GNG7: variants seen among roughly 807,000 people sequenced by gnomAD.
GNG7 encodes the protein G protein subunit gamma 7.
In GNG7, 1 loss-of-function variant was observed where a neutral mutation model predicts 4.0. The ratio of observed to expected loss-of-function variants is 0.25; its 90% CI spans 0.09 to 1.18. The LOEUF is 1.18. GNG7 is among the 50% of genes most tolerant of loss of function. GNG7 has a pLI of 0.50. For synonymous variants in GNG7, 34 were observed against 36.9 expected (o/e 0.92, Z 0.29); for missense variants, 86 against 91.9 (o/e 0.94, Z 0.26).
Position 2,512,893 on chromosome 19 carries a change from C to T in GNG7, c.*2129G>A, listed in dbSNP as rs1320680129. 4 of 984,642 alleles carry T rather than the reference C, an allele frequency of 4.1e-6. No homozygotes were observed. The highest frequency in any genetic ancestry group is 4.8e-6 in the Non-Finnish European group (4 of 829,210). 61.0% of individuals were successfully genotyped at this position (984,642 alleles called of 1,614,324 possible). A position where few individuals can be genotyped will look rare whatever the true frequency, so the allele number is the denominator to read the frequency against. On this transcript the variant is annotated 3_prime_UTR_variant, in exon 5 of 5. Transcript: ENST00000382159. This position sits in a 1 kb window ranked among gnomAD's most constrained non-coding sequence, Gnocchi z 4.7. ...GTCCCTTCCTGCCATTCCTGCTATG[C>T]GTGGTGGGGACGCCCACACCCCAAA...
At chr19:2,584,256 A>T (rs1239917057) in intron 2 of GNG7, among the ~76,000 whole-genome samples, 1 of 149,338 alleles carries the variant, frequency 6.7e-6, no homozygotes, top group African/African-American at 2.5e-5. Context: ...CAGCCAGGGC[A>T]ACATAGGGAG....
rs1308482614 is a variant in GNG7, at chr19:2,626,724, C to A, written c.-78+19500G>T. On this transcript the variant is annotated intron_variant, in intron 2 of 4. Transcript: ENST00000382159. This position sits in a 1 kb window ranked among gnomAD's most constrained non-coding sequence, Gnocchi z 5.0. ...GGGGTAATTCTGTCCCCTCAGGGGA[C>A]ACTGGGCGGTGTCGGGGGACATCTG... Among the ~76,000 whole-genome samples the A allele has an allele frequency of 6.6e-6, 1 of 152,170 alleles. No individual in the cohort carries two copies. Among genetic ancestry groups the A allele is most frequent in the Non-Finnish European group, 1.5e-5 (1 of 68,030 alleles).
chr19:2,573,663 C>T (rs1184062596), intron 2 of GNG7, among the ~76,000 whole-genome samples: 3 of 151,636 alleles, frequency 2.0e-5, no homozygotes, highest in Non-Finnish European at 2.9e-5. Flanking sequence ...TTGTTCACGG[C>T]GAAACCCCGT....
At chr19:2,519,356 A>T (rs1016992548) in intron 4 of GNG7, among the ~76,000 whole-genome samples, 3 of 151,018 alleles carry the variant, frequency 2.0e-5, no homozygotes, top group Admixed American at 1.3e-4. Flanking sequence ...GGGTTTCACC[A>T]TGTTGGCCAG....
intron 1 of GNG7, among the ~76,000 whole-genome samples, chr19:2,654,085 C>T (rs942791563): frequency 6.6e-6 from 1 of 151,304 alleles, no homozygotes; most frequent in Non-Finnish European, 1.5e-5. Context: ...TGCATATGCA[C>T]GAGGGGGTGA....
At chr19:2,656,473 A>G (rs1982978059) in intron 1 of GNG7, among the ~76,000 whole-genome samples, 1 of 152,118 alleles carries the variant, frequency 6.6e-6, no homozygotes, top group Admixed American at 6.5e-5. Context: ...ATGGTGGTGC[A>G]CGCCTGTAGT....
intron 1 of GNG7, among the ~76,000 whole-genome samples, chr19:2,693,556 C>A (rs1913181192): frequency 6.6e-6 from 1 of 152,062 alleles, no homozygotes; most frequent in Admixed American, 6.5e-5. Context: ...AAAAGGTAGC[C>A]ATTTCTGCAA....
chr19:2,589,583 T>C (rs146460394), intron 2 of GNG7, among the ~76,000 whole-genome samples: 37 of 152,018 alleles, frequency 2.4e-4, no homozygotes, highest in African/African-American at 8.4e-4. Context: ...TCCTGTGTCA[T>C]TCCCACCTCC....
chr19:2,511,806 GGTCGC>G lies in GNG7; in HGVS notation c.*3211_*3215del. ...CCCGTTTATGTCCCCAGAGGCCAGA[GGTCGC>G]AGCTGAGCTATCTGTGCTTGGCCTG... On this transcript the variant is annotated 3_prime_UTR_variant, in exon 5 of 5. Coordinates refer to ENST00000382159, the MANE Select transcript of GNG7 (RefSeq NM_052847.3). The surrounding 1 kb of genome is among the most constrained non-coding windows in gnomAD (Gnocchi z 6.3). 1.0e-6 allele frequency: 1 copy of G among 986,332 alleles called. No homozygotes were observed. Among genetic ancestry groups the G allele is most frequent in the Non-Finnish European group, 1.2e-6 (1 of 830,296 alleles). The allele number at this position is 986,332 out of a possible 1,614,324, so 61.1% of individuals were successfully genotyped here.
intron 1 of GNG7, among the ~76,000 whole-genome samples, chr19:2,667,391 C>T (rs1365181624): frequency 6.6e-6 from 1 of 152,140 alleles, no homozygotes; most frequent in Non-Finnish European, 1.5e-5. Context: ...ATGCAGAAAA[C>T]GGCTGTTTCT....
At chr19:2,616,401 TG>T (rs1049038340) in intron 2 of GNG7, among the ~76,000 whole-genome samples, 1 of 151,790 alleles carries the variant, frequency 6.6e-6, no homozygotes, top group African/African-American at 2.4e-5. Context: ...TGTGCCACCG[TG>T]CCCAGCTAAT....
intron 2 of GNG7, among the ~76,000 whole-genome samples, chr19:2,562,189 C>A (rs759065579): frequency 4.8e-4 from 73 of 152,212 alleles, no homozygotes; most frequent in Non-Finnish European, 9.8e-4. Flanking sequence ...GAGCCAGAGC[C>A]GTGAGTCACC....
In GNG7 at chr19:2,626,044, T is replaced by A. The variant is rs1310234832; in HGVS notation, c.-78+20180A>T. On this transcript the variant is annotated intron_variant, in intron 2 of 4. Coordinates refer to ENST00000382159, the MANE Select transcript of GNG7 (RefSeq NM_052847.3). The surrounding 1 kb of genome is among the most constrained non-coding windows in gnomAD (Gnocchi z 5.0). ...CTCAGGTGATCCACCCGCCTCGGCCTCCCAAAGTGCTGGGATGACAGGCGT... is the reference window on the plus strand; with the variant it reads ...CTCAGGTGATCCACCCGCCTCGGCCACCCAAAGTGCTGGGATGACAGGCGT... 6.6e-6 allele frequency among the ~76,000 whole-genome samples: 1 copy of A among 152,140 alleles called. No individual in the cohort carries two copies. Among genetic ancestry groups the A allele is most frequent in the Non-Finnish European group, 1.5e-5 (1 of 68,024 alleles).
Position 2,607,766 on chromosome 19 carries a change from G to A in GNG7, c.-78+38458C>T, listed in dbSNP as rs550039299. Among the ~76,000 whole-genome samples, 8 of 152,124 alleles carry A rather than the reference G, an allele frequency of 5.3e-5. No homozygotes were observed. In the South Asian group the frequency reaches 1.7e-3, roughly 32 times the overall value. ...CCCCGCCCCTCCCAGTGGCGTCTCCGCTTCTCACTTCAGAGGCAGAGCTGT... is the reference window on the plus strand; with the variant it reads ...CCCCGCCCCTCCCAGTGGCGTCTCCACTTCTCACTTCAGAGGCAGAGCTGT... On this transcript the variant is annotated intron_variant, in intron 2 of 4. Transcript: ENST00000382159.
chr19:2,597,562 A>T (rs1981060254), intron 2 of GNG7, among the ~76,000 whole-genome samples: 1 of 151,028 alleles, frequency 6.6e-6, no homozygotes, highest in African/African-American at 2.4e-5. Flanking sequence ...ACGCCACTGC[A>T]CTCCAGCCTG....
rs571360628 is a variant in GNG7, at chr19:2,662,445, A to C, written c.-134-16165T>G. Among the ~76,000 whole-genome samples, 45 of 152,138 alleles carry C rather than the reference A, an allele frequency of 3.0e-4. No homozygotes were observed. In the East Asian group the frequency reaches 4.1e-3, roughly 14 times the overall value. On this transcript the variant is annotated intron_variant, in intron 1 of 4. Coordinates refer to ENST00000382159, the MANE Select transcript of GNG7 (RefSeq NM_052847.3). The stretch of plus-strand genomic sequence containing the variant: ...TAAATCCCCCCACAAGACTGCCCCT[A>C]ACCTCTTCAGATACCAGTAGCAAGT...
rs375306287 is a variant in GNG7, at chr19:2,682,405, C to T, written c.-135+20241G>A. On this transcript the variant is annotated intron_variant, in intron 1 of 4. Transcript: ENST00000382159. ...GCGAGCTGGGCACGGAGGCTCACAC[C>T]TGTCATCCCAGCATTTCGGGAGGCC... is the stretch of plus-strand genomic sequence containing the variant. 2.0e-5 allele frequency among the ~76,000 whole-genome samples: 3 copies of T among 151,860 alleles called. No homozygotes were observed. The East Asian group carries it at 5.8e-4, about 30-fold the overall frequency.
Position 2,633,483 on chromosome 19 carries a change from GCGCGCACACACACACACACACA to G in GNG7, c.-78+12719_-78+12740del, listed in dbSNP as rs1275339862. ...TGCTTAGCAACAGGCGCGCGCGCGC[GCGCGCACACACACACACACACA>G]CACACACACACACACACACGAGAGG... On this transcript the variant is annotated intron_variant, in intron 2 of 4. Transcript: ENST00000382159. This position sits in a 1 kb window ranked among gnomAD's most constrained non-coding sequence, Gnocchi z 5.9. Among the ~76,000 whole-genome samples the G allele has an allele frequency of 1.2e-5, 1 of 80,386 alleles. No individual in the cohort carries two copies. The highest frequency in any genetic ancestry group is 3.7e-5 in the African/African-American group (1 of 26,772). 52.7% of individuals were successfully genotyped at this position (80,386 alleles called of 152,430 possible).
intron 2 of GNG7, among the ~76,000 whole-genome samples, chr19:2,601,635 G>A (rs1051905383): frequency 8.5e-5 from 13 of 152,130 alleles, no homozygotes; most frequent in African/African-American, 2.7e-4. Flanking sequence ...AGTGAAGGCC[G>A]GGCATGGTGG....
Sources: allele counts gnomAD v4.1 joint callset (sites outside exome capture counted in the v4.1 genomes callset), GRCh38; gene constraint gnomAD v4.1.1; non-coding constraint Gnocchi (gnomAD v3.1); transcripts MANE v1.5; gene names NCBI Gene and HGNC (gene_info 2026-07-23, HGNC 2026-07-21).